The following IFT46 variants were observed in gnomAD, a reference collection of about 807,000 sequenced individuals.
IFT46 encodes the protein intraflagellar transport protein 46 homolog.
Under a neutral mutation model 39.6 loss-of-function variants are expected in IFT46, and 19 were observed. The ratio of observed to expected loss-of-function variants is 0.48; its 90% confidence interval spans 0.33 to 0.70. IFT46 has a LOEUF of 0.70. Ranked by LOEUF, IFT46 falls within the 30% of genes least tolerant of loss-of-function variation. The pLI is 0.01. For missense variants in IFT46, 334 were observed against 364.8 expected (o/e 0.92, Z 0.69); for synonymous variants, 117 against 134.8 (o/e 0.87, Z 0.91).
At chr11:118,562,774 A>G (rs1555070779) in intron 2 of IFT46, among the ~76,000 whole-genome samples, 1 of 152,188 alleles carries the variant, frequency 6.6e-6, no homozygotes, top group African/African-American at 2.4e-5. Context: ...GAATTAAAAA[A>G]CGTGGCATAG....
At chr11:118,570,233 T>G (rs1307942343), upstream of IFT46, among the ~76,000 whole-genome samples, 1 of 151,632 alleles carries the variant, frequency 6.6e-6, no homozygotes, top group Non-Finnish European at 1.5e-5. Context: ...TTTTTTTTTT[T>G]GTACTCTTAG....
At chr11:118,572,351 C>CCCCCCCCCCCCCCCCTT in intron 1 of IFT46, 3 of 136,074 alleles carry the variant, frequency 2.2e-5, no homozygotes, top group South Asian at 5.4e-4. Context: ...AGGCCCCGCC[C>CCCCCCCCCCCCCCCCTT]CCCCCCCCGC....
At chr11:118,565,352 C>T (rs1380580224) in intron 1 of IFT46, among the ~76,000 whole-genome samples, 1 of 151,524 alleles carries the variant, frequency 6.6e-6, no homozygotes, top group Non-Finnish European at 1.5e-5. Flanking sequence ...TGTACGACCA[C>T]GCGCAAGGGC....
chr11:118,562,335 G>C (rs1443423833), intron 2 of IFT46, among the ~76,000 whole-genome samples: 1 of 151,936 alleles, frequency 6.6e-6, no homozygotes, highest in Admixed American at 6.6e-5. Context: ...AGCTACCGGG[G>C]GTTCTGAAGC....
intron 9 of IFT46, among the ~76,000 whole-genome samples, chr11:118,549,114 G>T (rs1053212572): frequency 1.2e-4 from 18 of 151,254 alleles, no homozygotes; most frequent in Admixed American, 2.0e-4. Flanking sequence ...GGCCAGGCTG[G>T]TCTTGAACTC....
upstream of IFT46, chr11:118,573,499 A>G (rs973511727): frequency 1.9e-6 from 1 of 516,220 alleles, no homozygotes; most frequent in Non-Finnish European, 3.5e-6. Context: ...GTGGATATTC[A>G]TGAAGTAGTA....
At chr11:118,551,028 CAA>C (rs202115759) in intron 9 of IFT46, among the ~76,000 whole-genome samples, 1,949 of 88,672 alleles carry the variant, frequency 0.022, 36 homozygotes, top group East Asian at 0.077. Flanking sequence ...GAGACTGCCT[CAA>C]AAAAAAAAAA....
At chr11:118,548,457 C>T (rs1353150370) in intron 9 of IFT46, among the ~76,000 whole-genome samples, 5 of 150,148 alleles carry the variant, frequency 3.3e-5, no homozygotes, top group Admixed American at 1.3e-4. Context: ...CTCCGCCTCC[C>T]GGGTTCAAGC....
chr11:118,565,036 T>A lies in IFT46; in HGVS notation c.-107A>T, dbSNP rs1938179667. ...GTCGTTAATCTCTAGACGCTCATCATATGTCTGGTTTTCAACAACCTTGGT... is the reference window on the plus strand; with the variant it reads ...GTCGTTAATCTCTAGACGCTCATCAAATGTCTGGTTTTCAACAACCTTGGT... On this transcript the variant is annotated 5_prime_UTR_variant, in exon 2 of 12. It removes an upstream start codon present in the reference 5' UTR. Coordinates refer to ENST00000264021, the MANE Select transcript of IFT46 (RefSeq NM_001168618.2). The A allele has an allele frequency of 6.6e-6, 1 of 152,370 alleles. No homozygotes were observed. Among genetic ancestry groups the A allele is most frequent in the Non-Finnish European group, 1.5e-5 (1 of 67,986 alleles). The allele number at this position is 152,370 out of a possible 1,614,324, so 9.4% of individuals were successfully genotyped here.
At chr11:118,573,545 T>G (rs553385435), upstream of IFT46, 2 of 548,348 alleles carry the variant, frequency 3.6e-6, no homozygotes, top group South Asian at 4.3e-5. Context: ...AGTAATTTAT[T>G]TTTCAGTGCA....
rs1271486045 is a variant in IFT46, at chr11:118,559,833, C to T, written c.-4G>A. The T allele has an allele frequency of 6.2e-7, 1 of 1,612,948 alleles. No individual in the cohort carries two copies. The highest frequency in any genetic ancestry group is 1.3e-5 in the African/African-American group (1 of 74,896). On this transcript the variant is annotated 5_prime_UTR_variant, in exon 3 of 12. Coordinates refer to ENST00000264021, the MANE Select transcript of IFT46 (RefSeq NM_001168618.2). ...CATCACTGCTGTTATCAGCCATAGC[C>T]TTGTTAGGAAGATGGGCAGAACGAG... is the stretch of plus-strand genomic sequence containing the variant.
At chr11:118,573,594 G>C (rs1228136230), upstream of IFT46, 3 of 686,762 alleles carry the variant, frequency 4.4e-6, no homozygotes, top group Non-Finnish European at 8.0e-6. Context: ...GTTCTGTTCT[G>C]TTCTTTTTTA....
At chr11:118,545,630 C>A in intron 10 of IFT46, 136 bp from the exon 11 acceptor site, 2 of 1,060,914 alleles carry the variant, frequency 1.9e-6, no homozygotes, top group South Asian at 2.8e-5. Flanking sequence ...AGCAGGTAGT[C>A]ACATAAGCCA....
chr11:118,545,639 C>A, intron 10 of IFT46, 145 bp from the exon 11 acceptor site: 1 of 1,077,796 alleles, frequency 9.3e-7, no homozygotes. Context: ...TCACATAAGC[C>A]AAACACCACC....
intron 3 of IFT46, chr11:118,557,824 C>T (rs782718995): frequency 6.2e-7 from 1 of 1,614,104 alleles, no homozygotes; most frequent in Non-Finnish European, 8.5e-7. Context: ...CTTGCAGGGG[C>T]AGGTGGAACA....
chr11:118,555,068 C>T lies in IFT46; in HGVS notation c.276G>A (p.Leu92=). ...GCTTCAGTTTGTGGTCCAGGTCAAT[C>T]AACTGAGGTGTGTACCTAGGAGATA... ...FQYISRYTPQ[L]IDLDHKLKPF... is the part of the protein sequence containing the mutation. The change falls in exon 6 of 12, where the codon TTG becomes TTA. Residue 92 remains leucine (L), a synonymous_variant. Coordinates refer to ENST00000264021, the MANE Select transcript of IFT46 (RefSeq NM_001168618.2). 6.2e-7 allele frequency: 1 copy of T among 1,613,340 alleles called. No individual in the cohort carries two copies. Among genetic ancestry groups the T allele is most frequent in the Non-Finnish European group, 8.5e-7 (1 of 1,179,316 alleles).
chr11:118,548,314 T>C (rs1951742783), intron 9 of IFT46, among the ~76,000 whole-genome samples: 1 of 151,376 alleles, frequency 6.6e-6, no homozygotes, highest in Non-Finnish European at 1.5e-5. Context: ...TCTATTGGTA[T>C]GTAGAACCTT....
upstream of IFT46, among the ~76,000 whole-genome samples, chr11:118,576,372 A>G (rs939661726): frequency 1.3e-5 from 2 of 148,896 alleles, no homozygotes; most frequent in South Asian, 2.1e-4. Context: ...CTGTAAGACA[A>G]TCAAGGGCTC....
upstream of IFT46, chr11:118,573,908 G>A (rs1591378132): frequency 2.1e-6 from 1 of 466,662 alleles, no homozygotes; most frequent in Non-Finnish European, 3.8e-6. Context: ...TTGAAACTCA[G>A]TTCCCGTTTA....
Sources: gnomAD v4.1 joint callset for allele counts (sites outside exome capture counted in the v4.1 genomes callset) on GRCh38, gnomAD v4.1.1 for gene constraint, MANE v1.5 for transcripts, NCBI Gene and HGNC (gene_info 2026-07-23, HGNC 2026-07-21) for gene names.